The following SIL1 variants were observed in gnomAD, a reference collection of about 807,000 sequenced individuals.
SIL1 encodes nucleotide exchange factor SIL1.
SIL1 carries 40 observed loss-of-function variants against 49.1 expected under a neutral mutation model. The observed-to-expected ratio is 0.81, with a 90% CI of 0.63 to 1.06. The LOEUF (loss-of-function observed/expected upper bound fraction) is 1.06, where lower values mean the gene tolerates loss of function less well. Ranked by LOEUF, SIL1 falls within the 50% of genes least tolerant of loss-of-function variation. The probability of loss-of-function intolerance (pLI) is 0.00; values close to 1 mark genes in which losing one functional copy is unlikely to be tolerated. For synonymous variants in SIL1, 253 were observed against 250.8 expected (o/e 1.01, Z -0.08); for missense variants, 500 against 572.6 (o/e 0.87, Z 1.29).
At chr5:139,086,266 G>A (rs139288924) in intron 3 of SIL1, among the ~76,000 whole-genome samples, 1,583 of 121,388 alleles carry the variant, frequency 0.013, 39 homozygotes, top group African/African-American at 0.047. Context: ...GAGTGAGACC[G>A]TCTTAAAAAA....
chr5:139,152,110 C>CGCAGGCTCGGCAATGGG (rs1751311502), intron 1 of SIL1, among the ~76,000 whole-genome samples: 1 of 152,174 alleles, frequency 6.6e-6, no homozygotes, highest in African/African-American at 2.4e-5. Context: ...CCCTGAACAC[C>CGCAGGCTCGGCAATGGG]GCAGGCTCGG....
intron 1 of SIL1, among the ~76,000 whole-genome samples, chr5:139,140,992 C>T (rs1003315703): frequency 5.3e-5 from 8 of 152,120 alleles, no homozygotes; most frequent in African/African-American, 1.7e-4. Context: ...AGCACAGTTA[C>T]AAGCAGAACT....
intron 7 of SIL1, among the ~76,000 whole-genome samples, chr5:139,007,268 T>G (rs1471202631): frequency 8.1e-6 from 1 of 123,358 alleles, no homozygotes; most frequent in Non-Finnish European, 1.7e-5. Flanking sequence ...GTTTGTCTGT[T>G]GTTGGTGTAT....
chr5:139,074,247 A>T (rs1373221209), intron 3 of SIL1, among the ~76,000 whole-genome samples: 3 of 152,100 alleles, frequency 2.0e-5, no homozygotes, highest in Non-Finnish European at 4.4e-5. Flanking sequence ...TGTAGAGACA[A>T]GGTCTTACTA....
chr5:139,098,962 AC>A (rs1337792977), intron 3 of SIL1, among the ~76,000 whole-genome samples: 3 of 151,504 alleles, frequency 2.0e-5, no homozygotes, highest in Admixed American at 2.0e-4. Flanking sequence ...GATTACAGGC[AC>A]CCACCACCAG....
At position 138,948,938 on chromosome 5, in the gene SIL1, C is replaced by T. The variant is rs1317124380; in HGVS notation, c.1030-1465G>A. Among the ~76,000 whole-genome samples, 1 of 152,200 alleles carries T rather than the reference C, an allele frequency of 6.6e-6. No homozygotes were observed. The highest frequency in any genetic ancestry group is 2.4e-5 in the African/African-American group (1 of 41,446). On this transcript the variant is annotated intron_variant, in intron 9 of 9. Transcript: ENST00000394817. The surrounding 1 kb of genome is among the most constrained non-coding windows in gnomAD (Gnocchi z 4.8). ...TGTTGTCATGCAACACAAAGGCTCCCGCCAGATGCACCCACCCAATCGTGG... is the reference window on the plus strand; with the variant it reads ...TGTTGTCATGCAACACAAAGGCTCCTGCCAGATGCACCCACCCAATCGTGG...
chr5:139,111,785 G>A (rs1770844381), intron 3 of SIL1, among the ~76,000 whole-genome samples: 1 of 152,074 alleles, frequency 6.6e-6, no homozygotes, highest in Non-Finnish European at 1.5e-5. Context: ...GCTCCTGGTT[G>A]GATTCTATGA....
intron 3 of SIL1, among the ~76,000 whole-genome samples, chr5:139,085,355 T>G (rs1242683908): frequency 1.3e-5 from 2 of 152,156 alleles, no homozygotes; most frequent in Non-Finnish European, 2.9e-5. Context: ...GGAAACCACT[T>G]CGGTTTCTTC....
chr5:138,989,781 C>T (rs1361082000), intron 7 of SIL1, among the ~76,000 whole-genome samples: 1 of 152,160 alleles, frequency 6.6e-6, no homozygotes, highest in African/African-American at 2.4e-5. Context: ...TTTACATGAA[C>T]TTTGCAGGAA....
chr5:139,089,847 T>C (rs1454845998), intron 3 of SIL1, among the ~76,000 whole-genome samples: 1 of 152,342 alleles, frequency 6.6e-6, no homozygotes, highest in East Asian at 1.9e-4. Flanking sequence ...GATTTCCTTT[T>C]GAGGTGATGA....
At position 139,026,971 on chromosome 5, in the gene SIL1, G is replaced by T. The variant is rs200516067; in HGVS notation, c.475C>A (p.Arg159=). ...EDKARQAEVK[R]LFRPIEELKK... is the part of the protein sequence containing the mutation. Reference sequence around the variant, plus strand: ...AGTTCCTCAATGGGGCGGAAGAGCCGCTTTACCTCAGCCTGCCTTGCCTAA... The same window carrying T: ...AGTTCCTCAATGGGGCGGAAGAGCCTCTTTACCTCAGCCTGCCTTGCCTAA... The change falls in exon 6 of 10, where the codon CGG becomes AGG. Residue 159 remains arginine, a synonymous_variant. Coordinates refer to ENST00000394817, the MANE Select transcript of SIL1 (RefSeq NM_022464.5). 1.1e-5 allele frequency: 18 copies of T among 1,614,124 alleles called. No individual in the cohort carries two copies. The highest frequency in any genetic ancestry group is 1.5e-5 in the Non-Finnish European group (18 of 1,180,022).
At chr5:139,020,538 C>T (rs921200096) in intron 7 of SIL1, among the ~76,000 whole-genome samples, 6 of 152,228 alleles carry the variant, frequency 3.9e-5, no homozygotes, top group Admixed American at 2.0e-4. Flanking sequence ...AACAATAGCT[C>T]CAATGGACCA....
intron 1 of SIL1, among the ~76,000 whole-genome samples, chr5:139,134,437 A>G (rs887286842): frequency 4.6e-5 from 7 of 151,762 alleles, no homozygotes; most frequent in East Asian, 1.9e-4. Flanking sequence ...TGCCCGGCCC[A>G]CTCCATCATT....
chr5:138,981,941 C>T (rs1473775216), intron 7 of SIL1, among the ~76,000 whole-genome samples: 1 of 152,116 alleles, frequency 6.6e-6, no homozygotes, highest in Non-Finnish European at 1.5e-5. Flanking sequence ...CTGACACAGT[C>T]TAGCTGGGCG....
In SIL1 at chr5:139,097,195, T is replaced by C. The variant is rs532094789; in HGVS notation, c.244+23840A>G. Among the ~76,000 whole-genome samples, 25 of 152,086 alleles carry C rather than the reference T, an allele frequency of 1.6e-4. No individual in the cohort carries two copies. The South Asian group carries it at 4.8e-3, about 29-fold the overall frequency. On this transcript the variant is annotated intron_variant, in intron 3 of 9. Coordinates refer to ENST00000394817, the MANE Select transcript of SIL1 (RefSeq NM_022464.5). ...TACCAGGTAGATGTCTAAGGTTTTTTACTCTAGTCCCTGACTCCCAGGCGG... is the reference window on the plus strand; with the variant it reads ...TACCAGGTAGATGTCTAAGGTTTTTCACTCTAGTCCCTGACTCCCAGGCGG...
intron 3 of SIL1, among the ~76,000 whole-genome samples, chr5:139,108,620 A>G (rs1260692230): frequency 6.6e-6 from 1 of 152,166 alleles, no homozygotes; most frequent in African/African-American, 2.4e-5. Flanking sequence ...AGTTCCACAG[A>G]CTTGATTTTT....
At position 139,127,739 on chromosome 5, in the gene SIL1, C is replaced by T; in HGVS notation, c.105G>A (p.Leu35=). The T allele has an allele frequency of 6.2e-7, 1 of 1,608,162 alleles. No individual in the cohort carries two copies. The highest frequency in any genetic ancestry group is 1.7e-5 in the Admixed American group (1 of 59,592). Reference sequence around the variant, plus strand: ...TCCCATTTACAATAAAGATATTTACCAGGTTCTGATGACTGAGGCAGAAGG... The same window carrying T: ...TCCCATTTACAATAAAGATATTTACTAGGTTCTGATGACTGAGGCAGAAGG... ...CFTFCLSHQN[L]KEFALTNPEK... Residue 35 remains leucine (L), a splice_region_variant and synonymous_variant, in exon 2 of 10, where the codon CTG becomes CTA. Transcript: ENST00000394817.
rs80299500 is a variant in SIL1, at chr5:139,182,195, C to G, written c.-11+16074G>C. 3.4e-3 allele frequency among the ~76,000 whole-genome samples: 514 copies of G among 152,258 alleles called. 2 individuals carry two copies. The highest frequency in any genetic ancestry group is 0.012 in the African/African-American group (500 of 41,538). On this transcript the variant is annotated intron_variant, in intron 1 of 9. Transcript: ENST00000394817. ...CTCTCATTGCTTGGGAGCAGGCAAG[C>G]CAGCAGGCAAGGTCCACGCAGCACA...
At chr5:139,159,941 TA>T (rs1424752730) in intron 1 of SIL1, among the ~76,000 whole-genome samples, 1 of 151,484 alleles carries the variant, frequency 6.6e-6, no homozygotes, top group Non-Finnish European at 1.5e-5. Context: ...ACCCTCAACC[TA>T]AAAAAAAATT....
Sources: allele counts gnomAD v4.1 joint callset (sites outside exome capture counted in the v4.1 genomes callset), GRCh38; gene constraint gnomAD v4.1.1; non-coding constraint Gnocchi (gnomAD v3.1); transcripts MANE v1.5; gene names NCBI Gene and HGNC (gene_info 2026-07-23, HGNC 2026-07-21).